Variants in GRAMD1B observed in about 807,000 individuals in gnomAD.
GRAMD1B encodes the protein GRAM domain containing 1B.
GRAMD1B carries 37 observed loss-of-function variants against 99.7 expected under a neutral mutation model. That is an observed-to-expected ratio of 0.37 (90% confidence interval 0.29 to 0.49). The LOEUF (loss-of-function observed/expected upper bound fraction) is 0.49. Among genes scored for constraint, GRAMD1B ranks in the 20% least tolerant of loss-of-function variants. GRAMD1B has a pLI of 0.98. For synonymous variants in GRAMD1B, 427 were observed against 387.6 expected, an observed-to-expected ratio of 1.10 and a Z score of -1.19; for missense variants, 888 against 1,009.2, an observed-to-expected ratio of 0.88 and a Z score of 1.63.
At chr11:123,583,042 GTA>G (rs1031944251) in intron 3 of GRAMD1B, among the ~76,000 whole-genome samples, 1 of 151,860 alleles carries the variant, frequency 6.6e-6, no homozygotes, top group Non-Finnish European at 1.5e-5. Flanking sequence ...ATGTATGTGT[GTA>G]TATATGTGTG....
intron 8 of GRAMD1B, among the ~76,000 whole-genome samples, chr11:123,603,220 C>T (rs1374552692): frequency 6.6e-6 from 1 of 152,208 alleles, no homozygotes; most frequent in East Asian, 1.9e-4. Context: ...CAGTTCCTGG[C>T]TTTGTTAAAG....
intron 2 of GRAMD1B, among the ~76,000 whole-genome samples, chr11:123,553,353 C>G (rs890934957): frequency 2.3e-5 from 2 of 88,278 alleles, no homozygotes; most frequent in Non-Finnish European, 4.3e-5. Context: ...CTAGTAAGCT[C>G]TGTTCCCAGT....
intron 1 of GRAMD1B, among the ~76,000 whole-genome samples, chr11:123,381,110 G>A (rs1013155159): frequency 2.0e-5 from 3 of 152,034 alleles, no homozygotes; most frequent in African/African-American, 7.2e-5. Flanking sequence ...AGGGGCTCTG[G>A]GAGTGTCTCC....
At chr11:123,420,391 C>T (rs1450642935) in intron 1 of GRAMD1B, among the ~76,000 whole-genome samples, 1 of 152,172 alleles carries the variant, frequency 6.6e-6, no homozygotes, top group Non-Finnish European at 1.5e-5. Flanking sequence ...AGTAGAGGTA[C>T]ACCTACATTA....
At chr11:123,424,269 A>AG (rs1295273402) in intron 1 of GRAMD1B, among the ~76,000 whole-genome samples, 28 of 151,080 alleles carry the variant, frequency 1.9e-4, no homozygotes, top group South Asian at 8.3e-4. Flanking sequence ...AAAAAAAAAA[A>AG]AGAAAAAAGA....
At chr11:123,522,555 G>T (rs1942291830) in intron 2 of GRAMD1B, among the ~76,000 whole-genome samples, 2 of 152,114 alleles carry the variant, frequency 1.3e-5, no homozygotes, top group Non-Finnish European at 2.9e-5. Flanking sequence ...CTAACCTCAG[G>T]TGATCCACCC....
chr11:123,387,678 A>C (rs553325302), intron 1 of GRAMD1B, among the ~76,000 whole-genome samples: 1 of 152,190 alleles, frequency 6.6e-6, no homozygotes, highest in East Asian at 1.9e-4. Context: ...CCTGGCCCTC[A>C]GTGTGCATAG....
chr11:123,435,509 C>A (rs1034365084), intron 1 of GRAMD1B: 1 of 692,570 alleles, frequency 1.4e-6, no homozygotes, highest in East Asian at 2.7e-5. Context: ...TCTCCTTAAA[C>A]CCTAGGAAGG....
intron 1 of GRAMD1B, among the ~76,000 whole-genome samples, chr11:123,424,275 AAAG>A (rs2136052137): frequency 6.6e-6 from 1 of 152,058 alleles, no homozygotes; most frequent in African/African-American, 2.4e-5. Flanking sequence ...AAAAAAGAAA[AAAG>A]AAAACCACCA....
Position 123,492,221 on chromosome 11 carries a change from A to G in GRAMD1B, c.452+11328A>G, listed in dbSNP as rs1015636549. Among the ~76,000 whole-genome samples the G allele has an allele frequency of 5.3e-5, 8 of 151,994 alleles. No individual in the cohort carries two copies. The East Asian group carries it at 1.2e-3, about 22-fold the overall frequency. The stretch of plus-strand genomic sequence containing the variant: ...GGGACCATTACTTTTCTCCTTTATG[A>G]TAAGTTGCTCCAGTCCATAAAGAAC... On this transcript the variant is annotated intron_variant, in intron 2 of 19. Coordinates refer to ENST00000635736, the MANE Select transcript of GRAMD1B (RefSeq NM_001387025.1). The surrounding 1 kb of genome is among the most constrained non-coding windows in gnomAD (Gnocchi z 4.2).
rs78614249 is a variant in GRAMD1B, at chr11:123,535,260, A to G, written c.453-42107A>G. Among the ~76,000 whole-genome samples the G allele has an allele frequency of 1.4e-4, 21 of 151,910 alleles. No individual in the cohort carries two copies. In the East Asian group the frequency reaches 2.9e-3, roughly 21 times the overall value. ...CCATTTAAAAAAAAAAAAATCTCAT[A>G]CAACCTTAATACAACCCTACAGGAA... is the stretch of plus-strand genomic sequence containing the variant. On this transcript the variant is annotated intron_variant, in intron 2 of 19. Transcript: ENST00000635736.
intron 2 of GRAMD1B, among the ~76,000 whole-genome samples, chr11:123,519,645 C>G (rs1399145991): frequency 6.6e-6 from 1 of 152,218 alleles, no homozygotes; most frequent in African/African-American, 2.4e-5. Flanking sequence ...CAGCTATGCC[C>G]CGGTACTGCA....
intron 2 of GRAMD1B, among the ~76,000 whole-genome samples, chr11:123,499,310 C>G (rs960864919): frequency 6.6e-6 from 1 of 152,146 alleles, no homozygotes; most frequent in African/African-American, 2.4e-5. Context: ...AGATGTGGCT[C>G]CTTTGTCTTG....
At chr11:123,556,733 C>A (rs547364448) in intron 2 of GRAMD1B, among the ~76,000 whole-genome samples, 2 of 152,306 alleles carry the variant, frequency 1.3e-5, no homozygotes, top group African/African-American at 4.8e-5. Flanking sequence ...CACCAAATAG[C>A]TGTGAAAGTG....
chr11:123,490,159 G>A (rs1938383228), intron 2 of GRAMD1B, among the ~76,000 whole-genome samples: 1 of 152,236 alleles, frequency 6.6e-6, no homozygotes, highest in Admixed American at 6.5e-5. Context: ...TTGGAATTTG[G>A]ATGGGTGTCT....
chr11:123,555,358 T>G (rs1261087531), intron 2 of GRAMD1B, among the ~76,000 whole-genome samples: 1 of 152,182 alleles, frequency 6.6e-6, no homozygotes, highest in Non-Finnish European at 1.5e-5. Context: ...TATTTTATTA[T>G]AATTTTTTGA....
chr11:123,369,120 C>T (rs1278972337), intron 1 of GRAMD1B, among the ~76,000 whole-genome samples: 1 of 152,022 alleles, frequency 6.6e-6, no homozygotes, highest in Admixed American at 6.6e-5. Flanking sequence ...CAAAGTGAGA[C>T]CCCATATCTA....
chr11:123,454,223 C>A (rs1251742186), intron 1 of GRAMD1B, among the ~76,000 whole-genome samples: 5 of 152,218 alleles, frequency 3.3e-5, no homozygotes, highest in Non-Finnish European at 7.3e-5. Context: ...TAAGATAAGG[C>A]ATCTCTCCAA....
chr11:123,483,337 G>A (rs1226875397), intron 2 of GRAMD1B, among the ~76,000 whole-genome samples: 1 of 151,602 alleles, frequency 6.6e-6, no homozygotes, highest in South Asian at 2.1e-4. Flanking sequence ...AGGATGACAC[G>A]TAATTTGAAA....
Sources: gnomAD v4.1 joint callset for allele counts (sites outside exome capture counted in the v4.1 genomes callset) on GRCh38, gnomAD v4.1.1 for gene constraint, Gnocchi (gnomAD v3.1) non-coding constraint, MANE v1.5 for transcripts, NCBI Gene and HGNC (gene_info 2026-07-23, HGNC 2026-07-21) for gene names.